The following CSMD1 variants were observed in gnomAD, a reference collection of about 807,000 sequenced individuals.
CSMD1 encodes the protein CUB and Sushi multiple domains 1, also known as CUB and sushi domain-containing protein 1.
In CSMD1, 213 loss-of-function variants were observed where a neutral mutation model predicts 417.5. The observed-to-expected ratio is 0.51, with a 90% CI of 0.46 to 0.57. The LOEUF is 0.57. Among genes scored for constraint, CSMD1 ranks in the 20% least tolerant of loss-of-function variants. The probability of loss-of-function intolerance (pLI) is 0.00; values close to 1 mark genes in which losing one functional copy is unlikely to be tolerated. For missense variants in CSMD1, 6,923 were observed against 4,529.7 expected (o/e 1.53, Z -15.17); for synonymous variants, 2,862 against 1,736.8 (o/e 1.65, Z -16.11).
chr8:3,425,489 G>A (rs1225177428), intron 12 of CSMD1, among the ~76,000 whole-genome samples: 1 of 151,188 alleles, frequency 6.6e-6, no homozygotes, highest in South Asian at 2.1e-4. Context: ...TTGGGAGGCT[G>A]AGGCAGGAGA....
chr8:4,483,621 T>C (rs1801218742), intron 2 of CSMD1, among the ~76,000 whole-genome samples: 1 of 152,204 alleles, frequency 6.6e-6, no homozygotes, highest in South Asian at 2.1e-4. Context: ...CAGCTAAGAC[T>C]AATTTAAAAC....
intron 26 of CSMD1, among the ~76,000 whole-genome samples, chr8:3,247,463 A>G (rs372718620): frequency 2.6e-5 from 4 of 152,182 alleles, no homozygotes; most frequent in Non-Finnish European, 5.9e-5. Context: ...GATACAAGCC[A>G]AGCTGTCTAC....
At position 4,888,046 on chromosome 8, in the gene CSMD1, C is replaced by A. The variant is rs552436179; in HGVS notation, c.85+106286G>T. On this transcript the variant is annotated intron_variant, in intron 1 of 69. Transcript: ENST00000635120. ...CTTTTTTGACCCATATATGCCACTT[C>A]TAGGAATTTACTCTGAAGATAAACT... Among the ~76,000 whole-genome samples, 6 of 151,884 alleles carry A rather than the reference C, an allele frequency of 4.0e-5. No individual in the cohort carries two copies. In the East Asian group the frequency reaches 1.2e-3, roughly 29 times the overall value.
chr8:3,785,789 G>T (rs554047496), intron 5 of CSMD1, among the ~76,000 whole-genome samples: 1 of 152,014 alleles, frequency 6.6e-6, no homozygotes, highest in Non-Finnish European at 1.5e-5. Flanking sequence ...AGAGTAGGTA[G>T]GTCCAGGCTG....
chr8:4,891,235 T>A (rs1804102959), intron 1 of CSMD1, among the ~76,000 whole-genome samples: 1 of 152,152 alleles, frequency 6.6e-6, no homozygotes, highest in Non-Finnish European at 1.5e-5. Flanking sequence ...TAAAATTCTA[T>A]GTGCAAATAA....
At chr8:3,468,866 A>G in intron 11 of CSMD1, 42 bp from the exon 12 acceptor site, 2 of 1,315,486 alleles carry the variant, frequency 1.5e-6, no homozygotes, top group African/African-American at 2.9e-5. Flanking sequence ...GTAAGGCAAC[A>G]AGTACATCGA....
intron 3 of CSMD1, among the ~76,000 whole-genome samples, chr8:4,222,215 G>T (rs1042851166): frequency 2.6e-5 from 4 of 152,042 alleles, no homozygotes; most frequent in African/African-American, 9.7e-5. Context: ...ATTGAATCAA[G>T]ATTCCTGTAA....
At chr8:3,065,919 G>C (rs1246646914) in intron 49 of CSMD1, among the ~76,000 whole-genome samples, 2 of 152,088 alleles carry the variant, frequency 1.3e-5, no homozygotes, top group Non-Finnish European at 2.9e-5. Context: ...CTACAGCTTT[G>C]AGGTTATCAC....
In CSMD1 at chr8:4,045,208, A is replaced by C. The variant is rs552910779; in HGVS notation, c.416-13109T>G. ...AGGTACTCATCTCTGAGGAACCCAC[A>C]ATGTGGGCGACAGTTGTCCCATTAA... On this transcript the variant is annotated intron_variant, in intron 3 of 69. Coordinates refer to ENST00000635120, the MANE Select transcript of CSMD1 (RefSeq NM_033225.6). Among the ~76,000 whole-genome samples, 8 of 152,272 alleles carry C rather than the reference A, an allele frequency of 5.3e-5. No individual in the cohort carries two copies. In the South Asian group the frequency reaches 1.0e-3, roughly 20 times the overall value.
At chr8:4,406,989 T>C (rs554006334) in intron 3 of CSMD1, among the ~76,000 whole-genome samples, 43 of 152,310 alleles carry the variant, frequency 2.8e-4, no homozygotes, top group Middle Eastern at 3.4e-3. Flanking sequence ...GTTCTAGCTT[T>C]AGGGTTGGGA....
intron 1 of CSMD1, among the ~76,000 whole-genome samples, chr8:4,819,390 CATTTT>C (rs1421750467): frequency 6.6e-6 from 1 of 152,074 alleles, no homozygotes; most frequent in Non-Finnish European, 1.5e-5. Flanking sequence ...AAATTTGTTT[CATTTT>C]ATGTCATTCT....
intron 5 of CSMD1, among the ~76,000 whole-genome samples, chr8:3,821,361 G>C (rs1056603506): frequency 6.6e-6 from 1 of 152,200 alleles, no homozygotes; most frequent in African/African-American, 2.4e-5. Flanking sequence ...ACCCGTCTAA[G>C]ACTGGCAGCG....
chr8:4,492,360 A>T lies in CSMD1; in HGVS notation c.303-72295T>A, dbSNP rs149515390. ...GGAGAAAATTTAAACACATATTACT[A>T]AGTGAAAGAAGGCAGTCTGTAGGAT... On this transcript the variant is annotated intron_variant, in intron 2 of 69. Transcript: ENST00000635120. 2.4e-4 allele frequency among the ~76,000 whole-genome samples: 37 copies of T among 152,336 alleles called. No homozygotes were observed. The East Asian group carries it at 6.9e-3, about 29-fold the overall frequency.
chr8:3,027,284 G>C (rs1332361494), intron 51 of CSMD1, among the ~76,000 whole-genome samples: 1 of 152,114 alleles, frequency 6.6e-6, no homozygotes, highest in Non-Finnish European at 1.5e-5. Context: ...CCCTGGTGTG[G>C]AATTGGTTCT....
chr8:4,707,590 C>G (rs1304214518), intron 1 of CSMD1, among the ~76,000 whole-genome samples: 2 of 151,928 alleles, frequency 1.3e-5, no homozygotes, highest in African/African-American at 4.8e-5. Flanking sequence ...AAACGAGCAA[C>G]AAGAGAGGGG....
At chr8:4,528,417 T>C (rs1796628863) in intron 2 of CSMD1, among the ~76,000 whole-genome samples, 1 of 152,280 alleles carries the variant, frequency 6.6e-6, no homozygotes, top group East Asian at 1.9e-4. Context: ...GCAAAACACA[T>C]GTGGACTTTT....
intron 2 of CSMD1, among the ~76,000 whole-genome samples, chr8:4,479,467 C>A (rs1230439124): frequency 3.3e-5 from 5 of 152,126 alleles, no homozygotes; most frequent in Admixed American, 2.6e-4. Flanking sequence ...TACCATACAA[C>A]CAAAATAACA....
chr8:4,139,225 G>A (rs74579188), intron 3 of CSMD1, among the ~76,000 whole-genome samples: 40,938 of 144,562 alleles, frequency 0.28, 7,732 homozygotes, highest in Non-Finnish European at 0.38. Context: ...TGTCCTAGTG[G>A]TGCTTTAAAG....
At chr8:4,888,902 C>A (rs1247209079) in intron 1 of CSMD1, among the ~76,000 whole-genome samples, 1 of 151,920 alleles carries the variant, frequency 6.6e-6, no homozygotes, top group African/African-American at 2.4e-5. Flanking sequence ...TACATTCACA[C>A]AAATTAATAA....
Sources: gnomAD v4.1 joint callset for allele counts (sites outside exome capture counted in the v4.1 genomes callset) on GRCh38, gnomAD v4.1.1 for gene constraint, MANE v1.5 for transcripts, NCBI Gene and HGNC (gene_info 2026-07-23, HGNC 2026-07-21) for gene names.